DENND6A: variants seen among roughly 807,000 people sequenced by gnomAD.
The protein encoded by DENND6A is DENN domain containing 6A, also known as protein DENND6A.
A neutral mutation model predicts 95.5 loss-of-function variants in DENND6A; 43 were observed. The ratio of observed to expected loss-of-function variants is 0.45; its 90% confidence interval spans 0.35 to 0.58. DENND6A has a LOEUF of 0.58. Among genes scored for constraint, DENND6A ranks in the 20% least tolerant of loss-of-function variants. The pLI, the probability that DENND6A is intolerant of heterozygous loss-of-function variation, is 0.00. For missense variants in DENND6A, 574 were observed against 736.0 expected, an observed-to-expected ratio of 0.78 and a Z score of 2.55; for synonymous variants, 257 against 260.4, an observed-to-expected ratio of 0.99 and a Z score of 0.13.
chr3:57,666,056 G>A, intron 4 of DENND6A, 67 bp downstream of exon 4: 2 of 1,321,680 alleles, frequency 1.5e-6, no homozygotes, highest in Non-Finnish European at 2.1e-6. Flanking sequence ...GGTGTCAGCG[G>A]TAACTGAATA....
chr3:57,679,718 A>G (rs1427120800), intron 1 of DENND6A: 2 of 237,440 alleles, frequency 8.4e-6, no homozygotes, highest in Non-Finnish European at 1.4e-5. Context: ...AAGTGGGGCA[A>G]GGTGAGCCTG....
chr3:57,672,325 T>C (rs773025820), intron 2 of DENND6A, 27 bp from the exon 3 acceptor site: 1 of 1,610,758 alleles, frequency 6.2e-7, no homozygotes, highest in Non-Finnish European at 8.5e-7. Context: ...AAGTGATGTA[T>C]GCTGACACAT....
At chr3:57,645,922 G>C (rs1202929312) in intron 10 of DENND6A, among the ~76,000 whole-genome samples, 166 bp from the exon 11 acceptor site, 1 of 152,232 alleles carries the variant, frequency 6.6e-6, no homozygotes, top group Non-Finnish European at 1.5e-5. Flanking sequence ...TATATGTAAT[G>C]TGAAATGGCA....
At chr3:57,654,636 C>G in intron 9 of DENND6A, 1 of 985,036 alleles carries the variant, frequency 1.0e-6, no homozygotes, top group African/African-American at 1.7e-5. Context: ...AACTGCCCTT[C>G]AATTCTAATC....
chr3:57,657,523 A>C (rs2071350341), intron 9 of DENND6A, 157 bp downstream of exon 9: 1 of 472,380 alleles, frequency 2.1e-6, no homozygotes, highest in Non-Finnish European at 3.8e-6. Flanking sequence ...AGCTTATAAC[A>C]TGTACCCAGG....
intron 3 of DENND6A, among the ~76,000 whole-genome samples, chr3:57,671,007 A>C (rs1447992079): frequency 6.6e-6 from 1 of 152,220 alleles, no homozygotes; most frequent in African/African-American, 2.4e-5. Context: ...AAAAACACCA[A>C]AATAATTCCA....
intron 3 of DENND6A, among the ~76,000 whole-genome samples, chr3:57,671,517 G>C (rs184523928): frequency 6.7e-6 from 1 of 150,192 alleles, no homozygotes; most frequent in Admixed American, 6.6e-5. Flanking sequence ...GTGACAGAGC[G>C]AGACTCCATC....
chr3:57,665,258 T>C (rs554259972), intron 4 of DENND6A, among the ~76,000 whole-genome samples: 1 of 152,254 alleles, frequency 6.6e-6, no homozygotes, highest in African/African-American at 2.4e-5. Context: ...TTATATAATA[T>C]ATATGTACAC....
intron 2 of DENND6A, 35 bp downstream of exon 2, chr3:57,672,365 A>G (rs2071632749): frequency 1.2e-6 from 2 of 1,611,162 alleles, no homozygotes; most frequent in Non-Finnish European, 1.7e-6. Context: ...ACAGAAATAT[A>G]ACAGTAAACT....
At chr3:57,676,375 T>TAA (rs35465829) in intron 1 of DENND6A, among the ~76,000 whole-genome samples, 29,719 of 86,654 alleles carry the variant, frequency 0.34, 5,286 homozygotes, top group Middle Eastern at 0.47. Flanking sequence ...TAAGATTATT[T>TAA]AAAAAAAAAA....
At chr3:57,663,753 G>A in intron 4 of DENND6A, 37 bp from the exon 5 acceptor site, 2 of 1,257,422 alleles carry the variant, frequency 1.6e-6, no homozygotes, top group Non-Finnish European at 2.2e-6. Flanking sequence ...GTGTGGGGGG[G>A]TACATATATA....
intron 1 of DENND6A, among the ~76,000 whole-genome samples, chr3:57,690,478 C>T (rs1315724072): frequency 6.6e-6 from 1 of 151,476 alleles, no homozygotes; most frequent in Non-Finnish European, 1.5e-5. Context: ...ACGAGATTGC[C>T]CCACTGCACT....
chr3:57,662,391 T>C (rs1019758529), intron 5 of DENND6A, among the ~76,000 whole-genome samples: 7 of 151,706 alleles, frequency 4.6e-5, no homozygotes, highest in Non-Finnish European at 7.4e-5. Context: ...TTGGTAGAGA[T>C]AGCGTTTTGC....
chr3:57,628,361 T>G lies in DENND6A; in HGVS notation c.1696-16A>C, dbSNP rs990766396. 13 of 1,610,196 alleles carry G rather than the reference T, an allele frequency of 8.1e-6. No individual in the cohort carries two copies. Among genetic ancestry groups the G allele is most frequent in the African/African-American group, 1.3e-5 (1 of 74,766 alleles). ...CAGCCTGCAACTACATAAGGAACAT[T>G]TCATAACATTTAAATTATCCTCAGA... On this transcript the variant is annotated splice_polypyrimidine_tract_variant and intron_variant, in intron 19 of 19. Coordinates refer to ENST00000311128, the MANE Select transcript of DENND6A (RefSeq NM_152678.3).
intron 1 of DENND6A, among the ~76,000 whole-genome samples, chr3:57,678,266 T>G (rs1248711823): frequency 6.6e-6 from 1 of 152,170 alleles, no homozygotes; most frequent in Non-Finnish European, 1.5e-5. Flanking sequence ...CAGAAATCAA[T>G]AGGAGATTCT....
intron 5 of DENND6A, 53 bp from the exon 6 acceptor site, chr3:57,661,604 T>TA: frequency 7.2e-7 from 1 of 1,389,798 alleles, no homozygotes. Context: ...ATTCATTTCT[T>TA]GCATAATCAA....
intron 12 of DENND6A, among the ~76,000 whole-genome samples, chr3:57,636,680 TA>T (rs1488653981): frequency 6.6e-6 from 1 of 152,136 alleles, no homozygotes; most frequent in African/African-American, 2.4e-5. Flanking sequence ...CTCACGCCTG[TA>T]ATCTCAGCAC....
chr3:57,664,683 A>C lies in DENND6A; in HGVS notation c.433-967T>G, dbSNP rs560362776. On this transcript the variant is annotated intron_variant, in intron 4 of 19. Coordinates refer to ENST00000311128, the MANE Select transcript of DENND6A (RefSeq NM_152678.3). ...CCCTGTCTCTACTAAAAATACAAAA[A>C]TTAGCTGGGTGTGGTGGCACGTGCC... is the stretch of plus-strand genomic sequence containing the variant. Among the ~76,000 whole-genome samples, 15 of 152,246 alleles carry C rather than the reference A, an allele frequency of 9.9e-5. No homozygotes were observed. The East Asian group carries it at 2.5e-3, about 25-fold the overall frequency.
rs149462654 is a variant in DENND6A at position 57,636,210 on chromosome 3, G to C, written c.1133-1441C>G. Among the ~76,000 whole-genome samples the C allele has an allele frequency of 4.2e-3, 632 of 152,182 alleles. 6 individuals are homozygous for C. Among genetic ancestry groups the C allele is most frequent in the African/African-American group, 0.015 (614 of 41,524 alleles). On this transcript the variant is annotated intron_variant, in intron 12 of 19. Transcript: ENST00000311128. ...ATTCCTAATCCCTGTATTGTTCAAGGGTTAATTGTAATTTCAGTTTTGCAG... is the reference window on the plus strand; with the variant it reads ...ATTCCTAATCCCTGTATTGTTCAAGCGTTAATTGTAATTTCAGTTTTGCAG...
Sources: allele counts gnomAD v4.1 joint callset (sites outside exome capture counted in the v4.1 genomes callset), GRCh38; gene constraint gnomAD v4.1.1; transcripts MANE v1.5; gene names NCBI Gene and HGNC (gene_info 2026-07-23, HGNC 2026-07-21).